The following MSI2 variants were observed in gnomAD, a reference collection of about 807,000 sequenced individuals.
MSI2 encodes musashi RNA binding protein 2.
A neutral mutation model predicts 45.6 loss-of-function variants in MSI2; 17 were observed. The ratio of observed to expected loss-of-function variants is 0.37; its 90% CI spans 0.26 to 0.56. The LOEUF (loss-of-function observed/expected upper bound fraction) is 0.56. Among genes scored for constraint, MSI2 ranks in the 20% least tolerant of loss-of-function variants. The pLI is 0.77. For synonymous variants in MSI2, 156 were observed against 158.2 expected (o/e 0.99, Z 0.11); for missense variants, 293 against 444.2 (o/e 0.66, Z 3.06).
chr17:57,483,835 C>A (rs2085697919), intron 6 of MSI2, among the ~76,000 whole-genome samples: 1 of 152,178 alleles, frequency 6.6e-6, no homozygotes, highest in African/African-American at 2.4e-5. Context: ...AGCCCCCAGG[C>A]AGCAGATGGG....
downstream of MSI2, among the ~76,000 whole-genome samples, chr17:57,685,257 G>T (rs532965743): frequency 6.6e-6 from 1 of 152,246 alleles, no homozygotes; most frequent in East Asian, 1.9e-4. Context: ...GGATACAAAA[G>T]AATTGAGACC....
intron 10 of MSI2, chr17:57,629,648 A>C (rs1478359080): frequency 6.6e-6 from 1 of 152,408 alleles, no homozygotes; most frequent in South Asian, 2.1e-4. Flanking sequence ...ACACTCACAC[A>C]TGCGCACCAC....
At chr17:57,693,369 A>G in the MSI2 span, among the ~76,000 whole-genome samples, 1 of 151,874 alleles carries the variant, frequency 6.6e-6, no homozygotes. Context: ...TTTAGTAGAG[A>G]TGGGATTTCA....
chr17:57,513,592 AAGAC>A (rs1272382102), intron 6 of MSI2, among the ~76,000 whole-genome samples: 2 of 152,234 alleles, frequency 1.3e-5, no homozygotes, highest in Non-Finnish European at 2.9e-5. Flanking sequence ...GATTCTGCAA[AAGAC>A]AGGACTATAT....
At chr17:57,405,224 A>G (rs2084061379) in intron 6 of MSI2, among the ~76,000 whole-genome samples, 1 of 152,202 alleles carries the variant, frequency 6.6e-6, no homozygotes, top group Non-Finnish European at 1.5e-5. Context: ...AGGGCCAGAT[A>G]TTAAATATTT....
At chr17:57,479,643 G>A (rs1303538169) in intron 6 of MSI2, among the ~76,000 whole-genome samples, 2 of 152,144 alleles carry the variant, frequency 1.3e-5, no homozygotes, top group African/African-American at 2.4e-5. Flanking sequence ...GCAAAGCAGC[G>A]GTGAAAGACT....
At position 57,301,419 on chromosome 17, in the gene MSI2, CAT is replaced by C. The variant is rs199771167; in HGVS notation, c.312+39228_312+39229del. On this transcript the variant is annotated intron_variant, in intron 5 of 13. Transcript: ENST00000284073. ...ATAAAATATCGCATACATACAAAAA[CAT>C]GTGAGATCTCCGTGTAAATAGGAAT... Among the ~76,000 whole-genome samples the C allele has an allele frequency of 5.3e-3, 815 of 152,348 alleles. 6 individuals carry two copies. The highest frequency in any genetic ancestry group is 0.017 in the African/African-American group (727 of 41,572).
At chr17:57,266,788 G>A (rs1050434723) in intron 5 of MSI2, 1 of 152,236 alleles carries the variant, frequency 6.6e-6, no homozygotes, top group Non-Finnish European at 1.5e-5. Context: ...CTAAATGAAC[G>A]AACTGAGTCC....
chr17:57,356,446 C>T (rs1916423558), intron 5 of MSI2, among the ~76,000 whole-genome samples: 1 of 152,066 alleles, frequency 6.6e-6, no homozygotes, highest in Admixed American at 6.6e-5. Context: ...CTTAGCAATC[C>T]GACATAGACA....
At chr17:57,271,387 C>T (rs541940213) in intron 5 of MSI2, among the ~76,000 whole-genome samples, 1 of 152,088 alleles carries the variant, frequency 6.6e-6, no homozygotes, top group Non-Finnish European at 1.5e-5. Context: ...AGCCAAGGAG[C>T]GGGGGTGTCG....
intron 12 of MSI2, among the ~76,000 whole-genome samples, chr17:57,675,508 C>T (rs376856199): frequency 1.3e-5 from 2 of 152,218 alleles, no homozygotes; most frequent in East Asian, 1.9e-4. Flanking sequence ...CACGCTGGCA[C>T]GTAATAGGGC....
At chr17:57,502,081 A>T (rs1567862304) in intron 6 of MSI2, among the ~76,000 whole-genome samples, 1 of 152,116 alleles carries the variant, frequency 6.6e-6, no homozygotes, top group Non-Finnish European at 1.5e-5. Context: ...CAAGGCTCAG[A>T]AGGGCCCACC....
At chr17:57,429,317 A>G (rs905009320) in intron 6 of MSI2, among the ~76,000 whole-genome samples, 3 of 152,198 alleles carry the variant, frequency 2.0e-5, no homozygotes, top group Non-Finnish European at 4.4e-5. Context: ...GCGTGTGTCT[A>G]AAAAGATTAT....
chr17:57,535,383 A>T (rs192445148), intron 7 of MSI2, among the ~76,000 whole-genome samples: 1 of 152,268 alleles, frequency 6.6e-6, no homozygotes, highest in African/African-American at 2.4e-5. Context: ...GAGTCTCTGA[A>T]GCTAATCCCA....
rs146241060 is a variant in MSI2, at chr17:57,527,563, C to T, written c.406-2113C>T. On this transcript the variant is annotated intron_variant, in intron 6 of 13. Transcript: ENST00000284073. ...ATTGCCCACTCCCATCATCCTGGTGCCTGGGAGAGAGGGGGCAGCTGCCTG... is the reference window on the plus strand; with the variant it reads ...ATTGCCCACTCCCATCATCCTGGTGTCTGGGAGAGAGGGGGCAGCTGCCTG... Among the ~76,000 whole-genome samples, 741 of 152,334 alleles carry T rather than the reference C, an allele frequency of 4.9e-3. 7 individuals are homozygous for T. Among genetic ancestry groups the T allele is most frequent in the African/African-American group, 0.017 (716 of 41,570 alleles).
intron 5 of MSI2, among the ~76,000 whole-genome samples, chr17:57,366,517 T>C (rs1456381142): frequency 2.0e-5 from 3 of 152,176 alleles, no homozygotes; most frequent in African/African-American, 7.2e-5. Flanking sequence ...TTTACACATA[T>C]AGTAGAGGTG....
intron 7 of MSI2, among the ~76,000 whole-genome samples, chr17:57,579,185 T>G (rs1313748512): frequency 6.6e-6 from 1 of 152,202 alleles, no homozygotes; most frequent in Non-Finnish European, 1.5e-5. Flanking sequence ...GGTAATAAAC[T>G]AAGGAAAGGA....
At chr17:57,628,476 TC>T in intron 10 of MSI2, 1 of 152,320 alleles carries the variant, frequency 6.6e-6, no homozygotes, top group South Asian at 2.1e-4. Context: ...GGCAGACAGA[TC>T]CTTCAACCAG....
chr17:57,438,397 C>T (rs1057284457), intron 6 of MSI2, among the ~76,000 whole-genome samples: 3 of 152,124 alleles, frequency 2.0e-5, no homozygotes, highest in African/African-American at 7.2e-5. Context: ...GTTACCTGTG[C>T]CCTTCAGTTA....
Sources: gnomAD v4.1 joint callset for allele counts (sites outside exome capture counted in the v4.1 genomes callset) on GRCh38, gnomAD v4.1.1 for gene constraint, MANE v1.5 for transcripts, NCBI Gene and HGNC (gene_info 2026-07-23, HGNC 2026-07-21) for gene names.